INPP4B: variants seen among roughly 807,000 people sequenced by gnomAD.
INPP4B encodes the protein inositol polyphosphate 4-phosphatase type II.
In INPP4B, 55 loss-of-function variants were observed where a neutral mutation model predicts 122.5. The ratio of observed to expected loss-of-function variants is 0.45; its 90% CI spans 0.36 to 0.56. INPP4B has a LOEUF of 0.56. Among genes scored for constraint, INPP4B ranks in the 20% least tolerant of loss-of-function variants. The pLI is 0.00. For missense variants in INPP4B, 1,000 were observed against 1,097.7 expected, an observed-to-expected ratio of 0.91 and a Z score of 1.26; for synonymous variants, 403 against 388.7, an observed-to-expected ratio of 1.04 and a Z score of -0.43.
intron 2 of INPP4B, among the ~76,000 whole-genome samples, chr4:142,493,997 G>T (rs1425538): frequency 6.6e-6 from 1 of 151,980 alleles, no homozygotes; most frequent in African/African-American, 2.4e-5. Context: ...CTTCCATGCT[G>T]TTCTTGGGAC....
Position 142,575,440 on chromosome 4 carries a change from A to C in INPP4B, c.-190-112714T>G, listed in dbSNP as rs532569136. ...CAAAGATTAATTAGCTAATTCTATA[A>C]ACCTTCTACTTTCTCCACCATACCT... is the stretch of plus-strand genomic sequence containing the variant. On this transcript the variant is annotated intron_variant, in intron 2 of 25. Transcript: ENST00000262992. Among the ~76,000 whole-genome samples, 24 of 152,080 alleles carry C rather than the reference A, an allele frequency of 1.6e-4. No homozygotes were observed. In the South Asian group the frequency reaches 4.8e-3, roughly 30 times the overall value.
At chr4:142,525,958 C>A (rs1160492244) in intron 2 of INPP4B, among the ~76,000 whole-genome samples, 1 of 152,156 alleles carries the variant, frequency 6.6e-6, no homozygotes, top group Non-Finnish European at 1.5e-5. Flanking sequence ...AGGCAACCTA[C>A]AAAATGGGAG....
chr4:142,590,178 G>A (rs913224108), intron 2 of INPP4B, among the ~76,000 whole-genome samples: 1 of 152,076 alleles, frequency 6.6e-6, no homozygotes, highest in South Asian at 2.1e-4. Flanking sequence ...ATTCTGTGGG[G>A]TACTATAATG....
intron 7 of INPP4B, among the ~76,000 whole-genome samples, chr4:142,323,837 G>A (rs2151446782): frequency 6.6e-6 from 1 of 151,958 alleles, no homozygotes; most frequent in East Asian, 1.9e-4. Context: ...TGAGGCAAAT[G>A]GCAGGTAAGG....
intron 2 of INPP4B, among the ~76,000 whole-genome samples, chr4:142,492,840 C>A (rs1294390768): frequency 3.3e-5 from 5 of 152,108 alleles, no homozygotes; most frequent in Admixed American, 6.6e-5. Flanking sequence ...TAATGAGAAG[C>A]CAAATGTTAA....
chr4:142,267,862 C>T (rs989108994), intron 10 of INPP4B, among the ~76,000 whole-genome samples: 1 of 151,890 alleles, frequency 6.6e-6, no homozygotes, highest in Non-Finnish European at 1.5e-5. Flanking sequence ...AGCAAGAAAA[C>T]AACCCAATAA....
intron 8 of INPP4B, among the ~76,000 whole-genome samples, chr4:142,313,757 G>GTA (rs1766425452): frequency 1.3e-5 from 2 of 152,240 alleles, no homozygotes; most frequent in Admixed American, 1.3e-4. Flanking sequence ...CTAGTCCCAA[G>GTA]GAAGAGATGA....
intron 2 of INPP4B, among the ~76,000 whole-genome samples, chr4:142,543,552 A>T (rs1272914977): frequency 6.6e-6 from 1 of 152,180 alleles, no homozygotes; most frequent in East Asian, 1.9e-4. Context: ...TTGTAATATA[A>T]GTGGTTTTTT....
At chr4:142,231,279 T>A (rs1281556500) in intron 12 of INPP4B, among the ~76,000 whole-genome samples, 1 of 152,228 alleles carries the variant, frequency 6.6e-6, no homozygotes, top group Non-Finnish European at 1.5e-5. Context: ...TTCCACTCAA[T>A]GTCAGGATTG....
chr4:142,042,522 GTA>G (rs754667771), intron 25 of INPP4B, among the ~76,000 whole-genome samples: 6,610 of 36,814 alleles, frequency 0.18, 179 homozygotes, highest in Non-Finnish European at 0.32. Context: ...GTGTGTGTAT[GTA>G]TGTATGTATG....
At chr4:142,200,835 C>G (rs1840327504) in intron 14 of INPP4B, among the ~76,000 whole-genome samples, 1 of 151,988 alleles carries the variant, frequency 6.6e-6, no homozygotes, top group African/African-American at 2.4e-5. Flanking sequence ...GACAAACTCT[C>G]ACAGCTAGCA....
chr4:142,284,477 C>T (rs1478448939), intron 9 of INPP4B, among the ~76,000 whole-genome samples: 4 of 152,002 alleles, frequency 2.6e-5, no homozygotes, highest in African/African-American at 9.7e-5. Context: ...GTAAACATGG[C>T]ATGGGAAATT....
rs1560996489 is a variant in INPP4B, at chr4:142,720,769, C to CATATATATATAA, written c.-191+5069_-191+5070insTTATATATATAT. Reference sequence around the variant, plus strand: ...ATATACATATATATATAATCTCTCTCTCTCTCTCTCTCTCTCTCTCTCTCT... The same window carrying CATATATATATAA: ...ATATACATATATATATAATCTCTCTCATATATATATAATCTCTCTCTCTCTCTCTCTCTCTCT... On this transcript the variant is annotated intron_variant, in intron 2 of 25. Coordinates refer to ENST00000262992, the MANE Select transcript of INPP4B (RefSeq NM_001101669.3). 6.9e-3 allele frequency among the ~76,000 whole-genome samples: 93 copies of CATATATATATAA among 13,476 alleles called. 1 individual carries two copies. Among genetic ancestry groups the CATATATATATAA allele is most frequent in the Middle Eastern group, 0.036 (1 of 28 alleles). The allele number at this position is 13,476 out of a possible 152,430, so 8.8% of individuals were successfully genotyped here.
chr4:142,443,242 AG>A (rs765621331), intron 3 of INPP4B, among the ~76,000 whole-genome samples: 8 of 152,166 alleles, frequency 5.3e-5, no homozygotes, highest in Non-Finnish European at 7.4e-5. Flanking sequence ...CACTGACTAA[AG>A]GGTCTTCTTT....
chr4:142,734,931 C>T (rs1766633046), intron 1 of INPP4B, among the ~76,000 whole-genome samples: 1 of 152,172 alleles, frequency 6.6e-6, no homozygotes, highest in Non-Finnish European at 1.5e-5. Context: ...AGGCATTAGC[C>T]ACCATGCCTG....
intron 7 of INPP4B, among the ~76,000 whole-genome samples, chr4:142,380,859 T>A (rs1793850823): frequency 6.6e-6 from 1 of 152,070 alleles, no homozygotes; most frequent in South Asian, 2.1e-4. Flanking sequence ...AAATACTATT[T>A]CTGAAACATC....
At chr4:142,492,489 G>A (rs1429377575) in intron 2 of INPP4B, among the ~76,000 whole-genome samples, 1 of 152,270 alleles carries the variant, frequency 6.6e-6, no homozygotes, top group East Asian at 1.9e-4. Context: ...CTAGAGACTT[G>A]TTGAATGGCT....
Position 142,260,587 on chromosome 4 carries a change from A to C in INPP4B, c.616-23T>G, listed in dbSNP as rs568775827. 13,141 of 1,470,840 alleles carry C rather than the reference A, an allele frequency of 8.9e-3. 167 individuals carry two copies. The highest frequency in any genetic ancestry group is 9.9e-3 in the Non-Finnish European group (10,655 of 1,079,384). 91.1% of individuals were successfully genotyped at this position (1,470,840 alleles called of 1,614,324 possible). On this transcript the variant is annotated intron_variant, in intron 10 of 25. Transcript: ENST00000262992. ...ACACTAGGAAAAAATGTAAAAAAAA[A>C]AAAAAAATTTTGAGAACAATCAAAA...
In INPP4B at chr4:142,430,738, AT is replaced by A. The variant is rs1809130172; in HGVS notation, c.91+430del. Among the ~76,000 whole-genome samples the A allele has an allele frequency of 2.0e-5, 3 of 151,938 alleles. No homozygotes were observed. In the South Asian group the frequency reaches 6.2e-4, roughly 32 times the overall value. ...GACAGTCTAAATTTCTAGTGTAACAATTTTTTTCTTAATGCTTTCAACTTAA... is the reference window on the plus strand; with the variant it reads ...GACAGTCTAAATTTCTAGTGTAACAATTTTTTCTTAATGCTTTCAACTTAA... On this transcript the variant is annotated intron_variant, in intron 4 of 25. Coordinates refer to ENST00000262992, the MANE Select transcript of INPP4B (RefSeq NM_001101669.3).
Sources: allele counts gnomAD v4.1 joint callset (sites outside exome capture counted in the v4.1 genomes callset), GRCh38; gene constraint gnomAD v4.1.1; transcripts MANE v1.5; gene names NCBI Gene and HGNC (gene_info 2026-07-23, HGNC 2026-07-21).